COL21A1: variants seen among roughly 807,000 people sequenced by gnomAD.
The protein encoded by COL21A1 is collagen alpha-1(XXI) chain.
A neutral mutation model predicts 137.9 loss-of-function variants in COL21A1; 149 were observed. The ratio of observed to expected loss-of-function variants is 1.08; its 90% CI spans 0.95 to 1.24. COL21A1 has a LOEUF of 1.24. COL21A1 is among the 50% of genes most tolerant of loss of function. The probability of loss-of-function intolerance (pLI) is 0.00; values close to 1 mark genes in which losing one functional copy is unlikely to be tolerated. For synonymous variants in COL21A1, 456 were observed against 391.5 expected, an observed-to-expected ratio of 1.16 and a Z score of -1.95; for missense variants, 1,167 against 1,158.4, an observed-to-expected ratio of 1.01 and a Z score of -0.11.
chr6:56,143,231 C>T (rs1477178766), intron 10 of COL21A1, among the ~76,000 whole-genome samples: 3 of 138,032 alleles, frequency 2.2e-5, no homozygotes, highest in East Asian at 2.2e-4. Flanking sequence ...GACAGAGTCT[C>T]ACTCTGTCAC....
chr6:56,296,235 G>C (rs1395845155), intron 1 of COL21A1, among the ~76,000 whole-genome samples: 1 of 151,868 alleles, frequency 6.6e-6, no homozygotes, highest in African/African-American at 2.4e-5. Context: ...AAATTTTTAA[G>C]TAACAACATA....
At chr6:56,101,385 T>A (rs1174841360) in intron 17 of COL21A1, 87 bp downstream of exon 17, 1 of 981,580 alleles carries the variant, frequency 1.0e-6, no homozygotes, top group Non-Finnish European at 1.6e-6. Context: ...TAATAGGGCA[T>A]CTGAGAGAAG....
intron 1 of COL21A1, among the ~76,000 whole-genome samples, chr6:56,230,461 C>T (rs547476354): frequency 6.6e-6 from 1 of 151,604 alleles, no homozygotes; most frequent in African/African-American, 2.4e-5. Flanking sequence ...TTCCGTACAG[C>T]CTCATTTTAT....
chr6:56,101,461 AAGGTACTCAC>A lies in COL21A1; in HGVS notation c.1812+1_1812+10del. 1 of 1,581,616 alleles carries A rather than the reference AAGGTACTCAC, an allele frequency of 6.3e-7. No individual in the cohort carries two copies. Among genetic ancestry groups the A allele is most frequent in the Non-Finnish European group, 8.6e-7 (1 of 1,158,780 alleles). ...CTTCATCTTTTAGAACTGAAATGAG[AAGGTACTCAC>A]AGGCTCTCCCCGTGTTCCATCCTGC... On this transcript the variant is annotated splice_donor_variant and splice_donor_5th_base_variant and intron_variant, in intron 17 of 29. Transcript: ENST00000244728. LOFTEE classifies it high-confidence loss of function.
At chr6:56,304,867 T>C (rs1472868311) in intron 1 of COL21A1, among the ~76,000 whole-genome samples, 3 of 152,222 alleles carry the variant, frequency 2.0e-5, no homozygotes, top group South Asian at 4.1e-4. Flanking sequence ...CTTGTGGACA[T>C]TTAGTGCTAT....
At chr6:56,309,316 GCA>G (rs1409960364) in intron 1 of COL21A1, among the ~76,000 whole-genome samples, 1 of 152,160 alleles carries the variant, frequency 6.6e-6, no homozygotes, top group African/African-American at 2.4e-5. Flanking sequence ...GGGATTACAG[GCA>G]TGAGCCACCG....
In COL21A1 at chr6:56,171,083, C is replaced by T. The variant is rs200708113; in HGVS notation, c.686G>A (p.Arg229Lys). The stretch of plus-strand genomic sequence containing the variant: ...TAAACCTAAAAGAATATCAAATCCC[C>T]TTTCATCACGAGCTGCCACTGGAAT... ...TRIPVAARDERGFDILLGLDV... is the reference protein window; with the variant it reads ...TRIPVAARDEKGFDILLGLDV... Residue 229 changes from arginine (R) to lysine (K), a missense_variant, in exon 4 of 30, where the codon AGG becomes AAG. By Grantham distance (26) the Arg-to-Lys change is conservative (BLOSUM62 2). Coordinates refer to ENST00000244728, the MANE Select transcript of COL21A1 (RefSeq NM_030820.4). 350 of 1,608,512 alleles carry T rather than the reference C, an allele frequency of 2.2e-4. No homozygotes were observed. Among genetic ancestry groups the T allele is most frequent in the Non-Finnish European group, 2.7e-4 (319 of 1,177,858 alleles).
At chr6:56,067,351 C>A in intron 22 of COL21A1, 21 bp from the exon 23 acceptor site, 9 of 1,600,896 alleles carry the variant, frequency 5.6e-6, no homozygotes, top group Non-Finnish European at 7.7e-6. Context: ...GCAGTTTGAT[C>A]TGTATCATAA....
chr6:56,370,313 C>G (rs1482469532), intron 1 of COL21A1, among the ~76,000 whole-genome samples: 2 of 152,130 alleles, frequency 1.3e-5, no homozygotes. Flanking sequence ...CAGCTTCCAC[C>G]GGCATCACGT....
intron 1 of COL21A1, among the ~76,000 whole-genome samples, chr6:56,257,943 G>A (rs1015919363): frequency 2.0e-5 from 3 of 151,982 alleles, no homozygotes; most frequent in African/African-American, 7.2e-5. Context: ...GTGAGACAAA[G>A]GGAAAGTAGA....
In COL21A1 at chr6:56,179,705, A is replaced by G. The variant is rs772039082; in HGVS notation, c.513T>C (p.Gly171=). 17 of 1,613,830 alleles carry G rather than the reference A, an allele frequency of 1.1e-5. No individual in the cohort carries two copies. The highest frequency in any genetic ancestry group is 3.3e-5 in the Admixed American group (2 of 59,986). ...TAAGTTCGGCATCTTCTGTTTCTGA[A>G]CCAACACCAATAGCAAATAATGTTA... ...SKITLFAIGV[G]SETEDAELRA... The change falls in exon 3 of 30, where the codon GGT becomes GGC. Residue 171 remains glycine, a synonymous_variant. Transcript: ENST00000244728.
intron 1 of COL21A1, among the ~76,000 whole-genome samples, chr6:56,389,988 G>A (rs1470646153): frequency 6.6e-6 from 1 of 152,080 alleles, no homozygotes. Context: ...TCATCTGTAG[G>A]TATAAAACGC....
chr6:56,286,827 C>T (rs1436753626), intron 1 of COL21A1, among the ~76,000 whole-genome samples: 1 of 152,178 alleles, frequency 6.6e-6, no homozygotes, highest in Non-Finnish European at 1.5e-5. Flanking sequence ...GGGCCATCAT[C>T]TCCTAACATT....
chr6:56,139,370 A>G (rs145161392), intron 12 of COL21A1, among the ~76,000 whole-genome samples: 130 of 152,254 alleles, frequency 8.5e-4, no homozygotes, highest in African/African-American at 2.8e-3. Flanking sequence ...AGGTTTAAAG[A>G]GATTAACAAG....
Position 56,375,267 on chromosome 6 carries a change from C to T in COL21A1, c.-39+18704G>A, listed in dbSNP as rs551138112. ...TCTGTCCTGGATATTTTCCACTTGG[C>T]CCTCCAGATCCACCCTCCTCACTTC... On this transcript the variant is annotated intron_variant, in intron 1 of 28. Transcript: ENST00000370819. Among the ~76,000 whole-genome samples, 10 of 152,296 alleles carry T rather than the reference C, an allele frequency of 6.6e-5. No homozygotes were observed. In the South Asian group the frequency reaches 2.1e-3, roughly 32 times the overall value.
intron 3 of COL21A1, among the ~76,000 whole-genome samples, chr6:56,173,810 T>C (rs978597370): frequency 1.3e-5 from 2 of 152,032 alleles, no homozygotes; most frequent in East Asian, 1.9e-4. Flanking sequence ...AATAAGGAAA[T>C]AGAAGACTTG....
intron 1 of COL21A1, among the ~76,000 whole-genome samples, chr6:56,341,023 G>A (rs1044111359): frequency 2.0e-5 from 3 of 152,158 alleles, no homozygotes; most frequent in African/African-American, 7.2e-5. Flanking sequence ...TCCAGGACAT[G>A]ATAGAGTCAT....
chr6:56,392,354 A>G (rs888544140), intron 1 of COL21A1, among the ~76,000 whole-genome samples: 1 of 152,166 alleles, frequency 6.6e-6, no homozygotes. Context: ...CAACAATATA[A>G]AAGCCATATA....
At chr6:56,269,089 A>G (rs1763461893) in intron 1 of COL21A1, among the ~76,000 whole-genome samples, 1 of 152,218 alleles carries the variant, frequency 6.6e-6, no homozygotes, top group South Asian at 2.1e-4. Context: ...AAAATAAACA[A>G]AACATCTGAG....
Sources: allele counts gnomAD v4.1 joint callset (sites outside exome capture counted in the v4.1 genomes callset), GRCh38; gene constraint gnomAD v4.1.1; transcripts MANE v1.5; gene names NCBI Gene and HGNC (gene_info 2026-07-23, HGNC 2026-07-21).